The following MROH1 variants were observed in gnomAD, a reference collection of about 807,000 sequenced individuals.
MROH1 encodes the protein maestro heat like repeat family member 1, also known as maestro heat-like repeat-containing protein family member 1.
A neutral mutation model predicts 116.5 loss-of-function variants in MROH1; 117 were observed. That is an observed-to-expected ratio of 1.00 (90% CI 0.86 to 1.17). The LOEUF is 1.17. MROH1 is among the 50% of genes most tolerant of loss of function. MROH1 has a pLI of 0.00. For missense variants in MROH1, 1,873 were observed against 1,338.5 expected (o/e 1.40, Z -6.23); for synonymous variants, 921 against 583.9 (o/e 1.58, Z -8.32).
rs193293234 is a variant in MROH1, at chr8:144,224,002, G to A, written c.1338+772G>A. Among the ~76,000 whole-genome samples the A allele has an allele frequency of 1.2e-4, 19 of 152,266 alleles. No homozygotes were observed. The East Asian group carries it at 2.1e-3, about 17-fold the overall frequency. On this transcript the variant is annotated intron_variant, in intron 14 of 43. Coordinates refer to ENST00000326134, the MANE Select transcript of MROH1 (RefSeq NM_032450.3). The stretch of plus-strand genomic sequence containing the variant: ...GTGCGTGGTCGTCAGTGAGGAAGCC[G>A]CACACATGCCTGTTCTGCAGGCCCC...
intron 1 of MROH1, among the ~76,000 whole-genome samples, chr8:144,151,260 A>C (rs1351831209): frequency 9.3e-5 from 14 of 150,664 alleles, no homozygotes; most frequent in Non-Finnish European, 1.6e-4. Context: ...AAAAAAAAAA[A>C]AAAAAAAAAA....
chr8:144,176,753 C>A (rs1353707149), intron 4 of MROH1, among the ~76,000 whole-genome samples: 1 of 149,516 alleles, frequency 6.7e-6, no homozygotes, highest in Non-Finnish European at 1.5e-5. Flanking sequence ...CACTTGAACT[C>A]GGAAGGCGGA....
At chr8:144,242,337 C>T (rs1353771563) in intron 22 of MROH1, 32 bp from the exon 23 acceptor site, 4 of 780,444 alleles carry the variant, frequency 5.1e-6, no homozygotes, top group Non-Finnish European at 9.6e-6. Context: ...AATTGTGTAA[C>T]TGAAGTCCCG....
intron 39 of MROH1, 46 bp from the exon 40 acceptor site, chr8:144,260,631 C>T: frequency 1.3e-6 from 1 of 772,902 alleles, no homozygotes; most frequent in East Asian, 2.4e-5. Flanking sequence ...GGCAGGCCTG[C>T]AGGGGCACAG....
chr8:144,208,186 C>T (rs192188693), intron 12 of MROH1, among the ~76,000 whole-genome samples: 12 of 152,182 alleles, frequency 7.9e-5, no homozygotes, highest in Middle Eastern at 3.4e-3. Flanking sequence ...TCAGGTGATC[C>T]GCCCGCCTCG....
chr8:144,226,209 C>A (rs1345061740), intron 14 of MROH1, among the ~76,000 whole-genome samples: 1 of 152,044 alleles, frequency 6.6e-6, no homozygotes, highest in East Asian at 1.9e-4. Flanking sequence ...GCCACTGTGC[C>A]CGGCCTTTTG....
intron 14 of MROH1, among the ~76,000 whole-genome samples, chr8:144,232,796 T>C (rs1489867513): frequency 2.5e-4 from 4 of 16,268 alleles, no homozygotes; most frequent in Non-Finnish European, 5.7e-4. Context: ...CCTGGCCTAT[T>C]TATTTATTTA....
At chr8:144,187,951 T>G (rs1200026589) in intron 7 of MROH1, among the ~76,000 whole-genome samples, 1 of 151,892 alleles carries the variant, frequency 6.6e-6, no homozygotes, top group East Asian at 1.9e-4. Flanking sequence ...GGTCTCAGGG[T>G]CCTCTTCCAT....
chr8:144,259,203 C>T (rs1346337041), intron 36 of MROH1, 37 bp from the exon 37 acceptor site: 9 of 708,716 alleles, frequency 1.3e-5, no homozygotes, highest in Non-Finnish European at 2.3e-5. Context: ...TTCAGCACAG[C>T]AACAGCCCCT....
intron 33 of MROH1, chr8:144,250,650 C>T: frequency 3.9e-6 from 2 of 516,502 alleles, no homozygotes; most frequent in Non-Finnish European, 7.1e-6. Flanking sequence ...TCTAAGGTCC[C>T]AAAACTGCCT....
chr8:144,256,469 C>A (rs1554833121), intron 35 of MROH1, among the ~76,000 whole-genome samples: 1 of 148,924 alleles, frequency 6.7e-6, no homozygotes, highest in South Asian at 2.1e-4. Context: ...CCTGCCCCAG[C>A]ACCACAGGCT....
At position 144,243,873 on chromosome 8, in the gene MROH1, G is replaced by C; in HGVS notation, c.2486G>C (p.Arg829Thr). Reference sequence around the variant, plus strand: ...ACCTGCCTCACCCAGGAGTTCATCAGGGCAGAGCCCCCGGACTCCTTGAGG... The same window carrying C: ...ACCTGCCTCACCCAGGAGTTCATCACGGCAGAGCCCCCGGACTCCTTGAGG... ...ELVAQMMEFI[R>T]AEPPDSLRTP... The change falls in exon 26 of 44, where the codon AGG becomes ACG. Residue 829 changes from arginine to threonine, a missense_variant. Coordinates refer to ENST00000326134, the MANE Select transcript of MROH1 (RefSeq NM_032450.3). The C allele has an allele frequency of 1.3e-6, 1 of 779,926 alleles. No individual in the cohort carries two copies. The highest frequency in any genetic ancestry group is 1.3e-5 in the South Asian group (1 of 74,442). The allele number at this position is 779,926 out of a possible 1,614,324, so 48.3% of individuals were successfully genotyped here. A position where few individuals can be genotyped will look rare whatever the true frequency, so the allele number is the denominator to read the frequency against.
intron 12 of MROH1, among the ~76,000 whole-genome samples, chr8:144,210,266 C>T (rs887658517): frequency 2.0e-5 from 3 of 152,004 alleles, no homozygotes; most frequent in Admixed American, 2.0e-4. Context: ...CAGGGAAACC[C>T]TGTCTCTACT....
chr8:144,169,775 T>G (rs1326502709), intron 4 of MROH1, among the ~76,000 whole-genome samples: 3 of 150,426 alleles, frequency 2.0e-5, no homozygotes, highest in African/African-American at 7.4e-5. Flanking sequence ...CCTGAGTAGC[T>G]GGGACTACAG....
intron 12 of MROH1, among the ~76,000 whole-genome samples, chr8:144,208,787 G>A (rs992863938): frequency 5.3e-5 from 8 of 151,478 alleles, no homozygotes; most frequent in African/African-American, 1.7e-4. Flanking sequence ...ACAGTGGCGC[G>A]ACCTTGGCTT....
chr8:144,258,234 C>T (rs1466993826), intron 35 of MROH1, among the ~76,000 whole-genome samples: 2 of 152,178 alleles, frequency 1.3e-5, no homozygotes, highest in South Asian at 2.1e-4. Context: ...CCCCATTGCA[C>T]GCCCAGGGCG....
chr8:144,250,252 A>G lies in MROH1; in HGVS notation c.3314A>G (p.Glu1105Gly). 1 of 768,140 alleles carries G rather than the reference A, an allele frequency of 1.3e-6. No individual in the cohort carries two copies. The highest frequency in any genetic ancestry group is 2.4e-6 in the Non-Finnish European group (1 of 416,718). 47.6% of individuals were successfully genotyped at this position (768,140 alleles called of 1,614,324 possible). A position where few individuals can be genotyped will look rare whatever the true frequency, so the allele number is the denominator to read the frequency against. ...AGCGTCCTGCGCTCCAAGCTTCAGG[A>G]GGCCCAGGGAGAGCACGTCCTGCCG... is the stretch of plus-strand genomic sequence containing the variant. ...IVSVLRSKLQ[E>G]AQGEHVLPAA... Residue 1105 changes from glutamate to glycine, a missense_variant, in exon 33 of 44, where the codon GAG becomes GGG. Physicochemically the swap from Glu to Gly is moderately conservative, Grantham distance 98. Coordinates refer to ENST00000326134, the MANE Select transcript of MROH1 (RefSeq NM_032450.3).
At position 144,163,317 on chromosome 8, in the gene MROH1, G is replaced by A. The variant is rs149418266; in HGVS notation, c.-56-454G>A. ...CAAGACTTGAATGTGTGTCCGTGGT[G>A]AAGAGGCAGAGGGAACTTGGACGCT... On this transcript the variant is annotated intron_variant, in intron 2 of 43. Transcript: ENST00000326134. This position sits in a 1 kb window ranked among gnomAD's most constrained non-coding sequence, Gnocchi z 4.4. 5.3e-5 allele frequency among the ~76,000 whole-genome samples: 8 copies of A among 152,348 alleles called. No homozygotes were observed. Among genetic ancestry groups the A allele is most frequent in the African/African-American group, 1.4e-4 (6 of 41,582 alleles).
Position 144,240,486 on chromosome 8 carries a change from A to G in MROH1, c.1828-84A>G, listed in dbSNP as rs943004882. ...AAGGCGGTCTGCAGCCCCTGCAGCC[A>G]CAGCACATGGGGATGTGCCCAGGCT... On this transcript the variant is annotated intron_variant, in intron 19 of 43. Transcript: ENST00000326134. 1.7e-5 allele frequency: 12 copies of G among 706,538 alleles called. No homozygotes were observed. The African/African-American group carries it at 2.1e-4, about 12-fold the overall frequency. The allele number at this position is 706,538 out of a possible 1,614,324, so 43.8% of individuals were successfully genotyped here.
Sources: gnomAD v4.1 joint callset for allele counts (sites outside exome capture counted in the v4.1 genomes callset) on GRCh38, gnomAD v4.1.1 for gene constraint, Gnocchi (gnomAD v3.1) non-coding constraint, MANE v1.5 for transcripts, NCBI Gene and HGNC (gene_info 2026-07-23, HGNC 2026-07-21) for gene names.